The following FHIT variants were observed in gnomAD, a reference collection of about 807,000 sequenced individuals.
FHIT encodes bis(5'-adenosyl)-triphosphatase.
FHIT carries 19 observed loss-of-function variants against 17.9 expected under a neutral mutation model. That is an observed-to-expected ratio of 1.06 (90% CI 0.74 to 1.56). The LOEUF (loss-of-function observed/expected upper bound fraction) is 1.56, where lower values mean the gene tolerates loss of function less well. Among genes scored for constraint, FHIT ranks in the 40% most tolerant of loss-of-function variants. The pLI is 0.00. For missense variants in FHIT, 248 were observed against 189.2 expected (o/e 1.31, Z -1.82); for synonymous variants, 81 against 69.7 (o/e 1.16, Z -0.81).
chr3:60,074,097 T>C (rs1036976358), intron 5 of FHIT, among the ~76,000 whole-genome samples: 1 of 152,082 alleles, frequency 6.6e-6, no homozygotes, highest in African/African-American at 2.4e-5. Flanking sequence ...AGTTTTTTGC[T>C]GGGTCTTGGA....
At chr3:60,535,207 G>C (rs566570891) in intron 5 of FHIT, among the ~76,000 whole-genome samples, 2 of 152,260 alleles carry the variant, frequency 1.3e-5, no homozygotes, top group African/African-American at 4.8e-5. Flanking sequence ...CTGGGCTACA[G>C]AGTGAGACTC....
intron 4 of FHIT, among the ~76,000 whole-genome samples, chr3:60,699,123 T>C (rs1347535802): frequency 2.6e-5 from 4 of 152,198 alleles, no homozygotes; most frequent in African/African-American, 9.6e-5. Flanking sequence ...AGTTGTAAAA[T>C]ATAACTTTTA....
intron 3 of FHIT, among the ~76,000 whole-genome samples, chr3:60,879,964 A>C (rs993300322): frequency 6.6e-6 from 1 of 152,038 alleles, no homozygotes; most frequent in Non-Finnish European, 1.5e-5. Flanking sequence ...TAAAAAAAAA[A>C]CCTAATTTAA....
At chr3:61,063,188 A>C (rs1965145) in intron 2 of FHIT, among the ~76,000 whole-genome samples, 79,986 of 147,356 alleles carry the variant, frequency 0.54, 22,916 homozygotes, top group Non-Finnish European at 0.65. Flanking sequence ...CCCGGGAGGC[A>C]GAGCTTGCAA....
chr3:60,119,292 C>G (rs1705137246), intron 5 of FHIT, among the ~76,000 whole-genome samples: 2 of 151,976 alleles, frequency 1.3e-5, no homozygotes, highest in African/African-American at 4.8e-5. Flanking sequence ...AGGCTGGTCT[C>G]GAACTCCTGA....
At chr3:59,755,675 A>AGACT (rs1480902030) in intron 8 of FHIT, among the ~76,000 whole-genome samples, 1 of 152,206 alleles carries the variant, frequency 6.6e-6, no homozygotes, top group East Asian at 1.9e-4. Context: ...TGAACCAGAC[A>AGACT]GACTCCTTTA....
At chr3:60,672,874 C>CGTGTGTGTGTGTGTGTGTGTGT (rs71629109) in intron 4 of FHIT, among the ~76,000 whole-genome samples, 5 of 139,478 alleles carry the variant, frequency 3.6e-5, no homozygotes, top group Non-Finnish European at 6.2e-5. Context: ...CTCTTTGTAG[C>CGTGTGTGTGTGTGTGTGTGTGT]GTGTGTGTGT....
At chr3:60,184,910 G>A (rs188443770) in intron 5 of FHIT, among the ~76,000 whole-genome samples, 118 of 152,140 alleles carry the variant, frequency 7.8e-4, no homozygotes, top group Middle Eastern at 6.8e-3. Flanking sequence ...CATCTTTGGC[G>A]CTTGGGAACT....
At chr3:60,934,502 G>A (rs1553772638) in intron 3 of FHIT, among the ~76,000 whole-genome samples, 1 of 152,226 alleles carries the variant, frequency 6.6e-6, no homozygotes, top group East Asian at 1.9e-4. Context: ...GTGAGCTACA[G>A]CAGTGGCTTT....
At chr3:60,995,619 C>T (rs1385441088) in intron 3 of FHIT, among the ~76,000 whole-genome samples, 2 of 152,150 alleles carry the variant, frequency 1.3e-5, no homozygotes, top group African/African-American at 4.8e-5. Flanking sequence ...TGCAAAAGCA[C>T]AAGGACTTTT....
chr3:60,686,233 G>T (rs2040859517), intron 4 of FHIT, among the ~76,000 whole-genome samples: 1 of 152,072 alleles, frequency 6.6e-6, no homozygotes, highest in South Asian at 2.1e-4. Context: ...TTTTTCTCCG[G>T]CTATTTTCAA....
At chr3:60,110,139 CAT>C (rs1704607785) in intron 5 of FHIT, among the ~76,000 whole-genome samples, 1 of 152,120 alleles carries the variant, frequency 6.6e-6, no homozygotes, top group Non-Finnish European at 1.5e-5. Flanking sequence ...AGCGTCCTCT[CAT>C]ATGAGGACAC....
chr3:61,084,027 A>G (rs2035231148), intron 2 of FHIT, among the ~76,000 whole-genome samples: 2 of 152,138 alleles, frequency 1.3e-5, no homozygotes, highest in Admixed American at 1.3e-4. Flanking sequence ...ACATTCTATG[A>G]TGTTATATTC....
chr3:60,646,009 T>A (rs1319262033), intron 4 of FHIT, among the ~76,000 whole-genome samples: 1 of 152,200 alleles, frequency 6.6e-6, no homozygotes, highest in Non-Finnish European at 1.5e-5. Flanking sequence ...CTCGAATAAC[T>A]AGCTATTGGT....
intron 5 of FHIT, among the ~76,000 whole-genome samples, chr3:60,195,893 G>A (rs1038232290): frequency 2.0e-5 from 3 of 151,704 alleles, no homozygotes; most frequent in East Asian, 3.9e-4. Flanking sequence ...TGGGAGGGGC[G>A]TGGGGGATTT....
rs140280616 is a variant in FHIT at position 60,239,508 on chromosome 3, T to G, written c.104-225356A>C. ...TATGCCCAGGAGCTCAAGGCTGCAGTGAACCATGGTCATAGCACTGCATTA... is the reference window on the plus strand; with the variant it reads ...TATGCCCAGGAGCTCAAGGCTGCAGGGAACCATGGTCATAGCACTGCATTA... On this transcript the variant is annotated intron_variant, in intron 5 of 9. Transcript: ENST00000492590. 3.5e-4 allele frequency among the ~76,000 whole-genome samples: 53 copies of G among 152,264 alleles called. 1 individual carries two copies. The highest frequency in any genetic ancestry group is 8.7e-4 in the African/African-American group (36 of 41,548).
intron 4 of FHIT, among the ~76,000 whole-genome samples, chr3:60,741,325 A>G (rs2042236457): frequency 6.6e-6 from 1 of 152,124 alleles, no homozygotes; most frequent in Admixed American, 6.5e-5. Flanking sequence ...AGTGGATCTG[A>G]CCCTATTGCA....
intron 5 of FHIT, among the ~76,000 whole-genome samples, chr3:60,462,545 T>G (rs775305407): frequency 6.6e-6 from 1 of 152,130 alleles, no homozygotes; most frequent in Non-Finnish European, 1.5e-5. Context: ...GAGGAATTAA[T>G]GCAGGAGCTG....
chr3:60,181,655 T>C (rs1467532646), intron 5 of FHIT, among the ~76,000 whole-genome samples: 3 of 152,204 alleles, frequency 2.0e-5, no homozygotes, highest in African/African-American at 7.2e-5. Context: ...AGCCTCTTGG[T>C]AATAATTAAA....
Sources: gnomAD v4.1 joint callset for allele counts (sites outside exome capture counted in the v4.1 genomes callset) on GRCh38, gnomAD v4.1.1 for gene constraint, MANE v1.5 for transcripts, NCBI Gene and HGNC (gene_info 2026-07-23, HGNC 2026-07-21) for gene names.